P2RX6: variants seen among roughly 807,000 people sequenced by gnomAD.
P2RX6 encodes the protein purinergic receptor P2X 6, also known as P2X purinoceptor 6.
In P2RX6, 62 loss-of-function variants were observed where a neutral mutation model predicts 54.2. The ratio of observed to expected loss-of-function variants is 1.14; its 90% CI spans 0.93 to 1.41. The LOEUF is 1.41. P2RX6 is among the 40% of genes most tolerant of loss of function. The pLI, the probability that P2RX6 is intolerant of heterozygous loss-of-function variation, is 0.00. For missense variants in P2RX6, 541 were observed against 566.3 expected (o/e 0.96, Z 0.45); for synonymous variants, 211 against 231.9 (o/e 0.91, Z 0.82).
At chr22:21,019,605 G>A (rs528518594) in intron 3 of P2RX6, among the ~76,000 whole-genome samples, 243 of 152,338 alleles carry the variant, frequency 1.6e-3, no homozygotes, top group African/African-American at 5.5e-3. Context: ...TGAGCCTGCC[G>A]AGAGCTTGGT....
At position 21,025,830 on chromosome 22, in the gene P2RX6, C is replaced by G; in HGVS notation, c.916C>G (p.Pro306Ala). 2 of 1,563,848 alleles carry G rather than the reference C, an allele frequency of 1.3e-6. No individual in the cohort carries two copies. ...FRTATHWWEQ[P>A]GVEARTLLKL... ...GACAGCCACTCACTGGTGGGAGCAACCGGGTGTGGAGGCCCGCACCCTGCT... is the reference window on the plus strand; with the variant it reads ...GACAGCCACTCACTGGTGGGAGCAAGCGGGTGTGGAGGCCCGCACCCTGCT... Residue 306 changes from proline to alanine, a missense_variant, in exon 9 of 12, where the codon CCG (proline) becomes GCG (alanine). Physicochemically the swap from Pro to Ala is conservative, Grantham distance 27 (BLOSUM62 -1). Transcript: ENST00000413302.
chr22:21,014,107 G>A (rs186845122), upstream of P2RX6: 417 of 150,090 alleles, frequency 2.8e-3, 3 homozygotes, highest in Admixed American at 4.4e-3. Context: ...AGTCTGAATC[G>A]GCCTTGGGAC....
chr22:21,016,155 C>T (rs541271525), intron 2 of P2RX6, 63 bp downstream of exon 2: 64 of 1,473,678 alleles, frequency 4.3e-5, no homozygotes, highest in Middle Eastern at 2.4e-4. Flanking sequence ...CCTGAACACC[C>T]GCCATGCAGC....
intron 3 of P2RX6, 119 bp downstream of exon 3, chr22:21,018,179 C>T: frequency 2.8e-6 from 2 of 711,406 alleles, no homozygotes; most frequent in Non-Finnish European, 5.2e-6. Flanking sequence ...GCTCGGTGTC[C>T]CCCAGGCACT....
chr22:21,023,568 C>T lies in P2RX6; in HGVS notation c.840C>T (p.Gly280=). The T allele has an allele frequency of 6.2e-7, 1 of 1,613,472 alleles. No individual in the cohort carries two copies. The highest frequency in any genetic ancestry group is 8.5e-7 in the Non-Finnish European group (1 of 1,179,688). Residue 280 remains glycine, a synonymous_variant, in exon 8 of 12, where the codon GGC becomes GGT. Transcript: ENST00000413302. The part of the protein sequence containing the change: ...WDCDLDTGDS[G]CWPHYSFQLQ... ...GTGACCTGGACACCGGGGACTCTGG[C>T]TGCTGGCCTCACTACTCCTTCCAGC...
At chr22:21,015,581 G>A (rs1926198731) in intron 1 of P2RX6, among the ~76,000 whole-genome samples, 1 of 152,116 alleles carries the variant, frequency 6.6e-6, no homozygotes, top group Non-Finnish European at 1.5e-5. Context: ...CCACCCAGGG[G>A]GCACATGACA....
At chr22:21,014,894 C>G (rs112968324), upstream of P2RX6, 725 of 363,244 alleles carry the variant, frequency 2.0e-3, 6 homozygotes, top group African/African-American at 0.014. Flanking sequence ...AACAGCTGTC[C>G]GTCTCCACCC....
intron 9 of P2RX6, 25 bp downstream of exon 9, chr22:21,025,923 G>C: frequency 6.3e-7 from 1 of 1,580,232 alleles, no homozygotes. Flanking sequence ...GGGTCAGGCC[G>C]GGGATGGGAT....
chr22:21,024,136 GTAGA>G (rs3046030), intron 8 of P2RX6, among the ~76,000 whole-genome samples: 107,285 of 150,780 alleles, frequency 0.71, 38,802 homozygotes, highest in East Asian at 0.96. Context: ...TTATATTTTG[GTAGA>G]TAGAGATGGG....
chr22:21,012,316 G>A (rs1925778824), upstream of P2RX6, among the ~76,000 whole-genome samples: 1 of 152,172 alleles, frequency 6.6e-6, no homozygotes, highest in South Asian at 2.1e-4. Context: ...GGGGTAGGGT[G>A]GATGAGGAAG....
chr22:21,021,830 C>A (rs1021740081), intron 3 of P2RX6, among the ~76,000 whole-genome samples: 1 of 152,132 alleles, frequency 6.6e-6, no homozygotes, highest in African/African-American at 2.4e-5. Context: ...ATTAATGTCC[C>A]CAGGTTACAG....
chr22:21,024,372 T>G (rs2541945), intron 8 of P2RX6, among the ~76,000 whole-genome samples: 113,737 of 151,634 alleles, frequency 0.75, 43,758 homozygotes, highest in East Asian at 0.96. Flanking sequence ...CCGCTTCCCG[T>G]GTTCACGCCA....
intron 8 of P2RX6, among the ~76,000 whole-genome samples, chr22:21,024,878 G>GTGT (rs58685165): frequency 0.33 from 36,357 of 110,576 alleles, 6,395 homozygotes; most frequent in South Asian, 0.37. Flanking sequence ...TTTTTTTTGT[G>GTGT]TTTTTTTTTT....
Position 21,022,923 on chromosome 22 carries a change from T to G in P2RX6, c.464-19T>G. The stretch of plus-strand genomic sequence containing the variant: ...CCTGCAGAGATTTGAAGGTCTGGAG[T>G]TCATCTTTTGTTTTCTAGGTGTAAA... On this transcript the variant is annotated intron_variant, in intron 4 of 11. Coordinates refer to ENST00000413302, the MANE Select transcript of P2RX6 (RefSeq NM_005446.5). The G allele has an allele frequency of 6.2e-7, 1 of 1,602,794 alleles. No homozygotes were observed. Among genetic ancestry groups the G allele is most frequent in the Non-Finnish European group, 8.5e-7 (1 of 1,170,034 alleles).
rs376910566 is a variant in P2RX6 at position 21,022,711 on chromosome 22, C to T, written c.423C>T (p.Asp141=). The T allele has an allele frequency of 3.0e-5, 47 of 1,577,454 alleles. No individual in the cohort carries two copies. The highest frequency in any genetic ancestry group is 1.1e-4 in the African/African-American group (8 of 73,654). The change falls in exon 4 of 12, where the codon GAC becomes GAT. Residue 141 remains aspartate, a synonymous_variant. Transcript: ENST00000413302. ...TCCCACTGGCTAACTGCTGGGTCGA[C>T]GAGGACTGCCCCGAAGGGGAGGGAG... The part of the protein sequence containing the change: ...PSVPLANCWV[D]EDCPEGEGGT...
At position 21,026,626 on chromosome 22, in the gene P2RX6, T is replaced by C. The variant is rs1405691220; in HGVS notation, c.*9T>C. 6.4e-7 allele frequency: 1 copy of C among 1,571,362 alleles called. No individual in the cohort carries two copies. The highest frequency in any genetic ancestry group is 1.2e-5 in the South Asian group (1 of 85,326). ...ATTCCGGGAGCCTGTAGCCGTTCCC[T>C]GCTGGTTGAGAGTTGGGGGCTGGGA... On this transcript the variant is annotated 3_prime_UTR_variant, in exon 12 of 12. Transcript: ENST00000413302. The surrounding 1 kb of genome is among the most constrained non-coding windows in gnomAD (Gnocchi z 4.0).
At chr22:21,024,016 C>A (rs1178147547) in intron 8 of P2RX6, among the ~76,000 whole-genome samples, 1 of 151,690 alleles carries the variant, frequency 6.6e-6, no homozygotes, top group African/African-American at 2.4e-5. Flanking sequence ...AGTGCAGTGG[C>A]CCGACCTCGG....
intron 8 of P2RX6, 43 bp downstream of exon 8, chr22:21,023,661 G>A (rs759796834): frequency 3.6e-5 from 52 of 1,445,470 alleles, no homozygotes; most frequent in Non-Finnish European, 4.5e-5. Flanking sequence ...TGGGCCCATC[G>A]CCCTCTCACT....
At position 21,023,728 on chromosome 22, in the gene P2RX6, T is replaced by C. The variant is rs984992545; in HGVS notation, c.890+110T>C. The C allele has an allele frequency of 3.9e-5, 29 of 748,070 alleles. 1 individual carries two copies. The African/African-American group carries it at 4.4e-4, about 11-fold the overall frequency. The allele number at this position is 748,070 out of a possible 1,614,324, so 46.3% of individuals were successfully genotyped here. A position where few individuals can be genotyped will look rare whatever the true frequency, so the allele number is the denominator to read the frequency against. ...AGGCCTCTAGATATTCCACTACGTG[T>C]GCAAGGGGGTCCCAGGAGCAGGAGA... On this transcript the variant is annotated intron_variant, in intron 8 of 11. Transcript: ENST00000413302.
Sources: gnomAD v4.1 joint callset for allele counts (sites outside exome capture counted in the v4.1 genomes callset) on GRCh38, gnomAD v4.1.1 for gene constraint, Gnocchi (gnomAD v3.1) non-coding constraint, MANE v1.5 for transcripts, NCBI Gene and HGNC (gene_info 2026-07-23, HGNC 2026-07-21) for gene names.